The following C16orf46 variants were observed in gnomAD, a reference collection of about 807,000 sequenced individuals.
The protein encoded by C16orf46 is chromosome 16 open reading frame 46, also known as uncharacterized protein C16orf46.
Under a neutral mutation model 5.5 loss-of-function variants are expected in C16orf46, and 7 were observed. The observed-to-expected ratio is 1.28, with a 90% CI of 0.73 to 2.40. The LOEUF (loss-of-function observed/expected upper bound fraction) is 2.40, where lower values mean the gene tolerates loss of function less well. Among genes scored for constraint, C16orf46 ranks in the 30% most tolerant of loss-of-function variants. The pLI is 0.00. For synonymous variants in C16orf46, 200 were observed against 184.1 expected (o/e 1.09, Z -0.70); for missense variants, 614 against 476.0 (o/e 1.29, Z -2.70).
chr16:81,076,533 C>T (rs1972046666), intron 1 of C16orf46: 3 of 152,274 alleles, frequency 2.0e-5, no homozygotes, highest in Admixed American at 2.0e-4. Flanking sequence ...AACTCTTCCC[C>T]TTTTTCAACT....
chr16:81,068,393 C>G (rs954105595), intron 1 of C16orf46, among the ~76,000 whole-genome samples: 21 of 152,088 alleles, frequency 1.4e-4, no homozygotes, highest in African/African-American at 5.1e-4. Flanking sequence ...ATGAACGTAT[C>G]TCCTATTTAC....
At chr16:81,069,054 T>A (rs1971753832) in intron 1 of C16orf46, among the ~76,000 whole-genome samples, 2 of 152,164 alleles carry the variant, frequency 1.3e-5, no homozygotes, top group Admixed American at 6.6e-5. Flanking sequence ...TTTATTTTAA[T>A]GAAAATGAGG....
chr16:81,059,152 C>T (rs1971388857), downstream of C16orf46, among the ~76,000 whole-genome samples: 1 of 151,646 alleles, frequency 6.6e-6, no homozygotes, highest in Admixed American at 6.6e-5. Flanking sequence ...GAAACCCAGT[C>T]TCTACTAATA....
In C16orf46 at chr16:81,074,662, C is replaced by G. The variant is rs1000365602; in HGVS notation, c.-128+2474G>C. 1.4e-4 allele frequency among the ~76,000 whole-genome samples: 22 copies of G among 152,234 alleles called. 1 individual carries two copies. The East Asian group carries it at 4.2e-3, about 29-fold the overall frequency. ...CCTCCCAAAGTGTTGGGATTACAGG[C>G]ATGAGCCACCACACCCAACCCTATA... On this transcript the variant is annotated intron_variant, in intron 1 of 3. Coordinates refer to ENST00000299578, the MANE Select transcript of C16orf46 (RefSeq NM_152337.3).
At chr16:81,074,118 C>T (rs1369263286) in intron 1 of C16orf46, among the ~76,000 whole-genome samples, 2 of 152,192 alleles carry the variant, frequency 1.3e-5, no homozygotes, top group African/African-American at 2.4e-5. Context: ...AATTTTGTTC[C>T]TCAGTTCTTG....
chr16:81,061,169 T>C lies in C16orf46; in HGVS notation c.1180A>G (p.Ile394Val), dbSNP rs2151748365. The C allele has an allele frequency of 6.2e-7, 1 of 1,606,076 alleles. No homozygotes were observed. ...GGTTCTACCGCAACCGCTCAGAGGA[T>C]CCTGTGGGTAGAGACAGGAATGATA... ...RVIIPVSTHR[I>V]L The change falls in exon 4 of 4, where the codon ATC becomes GTC. Residue 394 changes from isoleucine to valine, a missense_variant. Transcript: ENST00000299578.
rs12924715 is a variant in C16orf46 at position 81,068,972 on chromosome 16, G to A, written c.-127-2691C>T. Among the ~76,000 whole-genome samples, 1,508 of 152,176 alleles carry A rather than the reference G, an allele frequency of 9.9e-3. 21 individuals are homozygous for A. The highest frequency in any genetic ancestry group is 0.057 in the East Asian group (297 of 5,172). On this transcript the variant is annotated intron_variant, in intron 1 of 3. Transcript: ENST00000299578. ...ACCCGCCTCGGCCTCCCAAAGTGCT[G>A]GGATTATAAACGTAAGCCACCGTGC...
downstream of C16orf46, among the ~76,000 whole-genome samples, chr16:81,057,275 A>G (rs1403068015): frequency 6.6e-6 from 1 of 152,128 alleles, no homozygotes; most frequent in African/African-American, 2.4e-5. Flanking sequence ...GGGGCAGGGC[A>G]TGGTGGCTCA....
At chr16:81,058,338 C>T (rs1028329796), downstream of C16orf46, among the ~76,000 whole-genome samples, 13 of 152,148 alleles carry the variant, frequency 8.5e-5, no homozygotes, top group African/African-American at 2.9e-4. Flanking sequence ...AGAAAATATA[C>T]AGATGCTTTT....
chr16:81,077,213 G>C lies in C16orf46; in HGVS notation c.-205C>G, dbSNP rs934246860. ...GCAAGAGCTACTCAGGTCGCTGCCGGATGGGCCGTTGCCTTGGGTTACGAC... is the reference window on the plus strand; with the variant it reads ...GCAAGAGCTACTCAGGTCGCTGCCGCATGGGCCGTTGCCTTGGGTTACGAC... On this transcript the variant is annotated 5_prime_UTR_variant, in exon 1 of 4. It adds an upstream start codon to the 5' untranslated region. Coordinates refer to ENST00000299578, the MANE Select transcript of C16orf46 (RefSeq NM_152337.3). 1.3e-5 allele frequency: 2 copies of C among 152,324 alleles called. No homozygotes were observed. The highest frequency in any genetic ancestry group is 4.8e-5 in the African/African-American group (2 of 41,474). 9.4% of individuals were successfully genotyped at this position (152,324 alleles called of 1,614,324 possible).
At chr16:81,067,415 T>C (rs1279019662) in intron 1 of C16orf46, among the ~76,000 whole-genome samples, 1 of 152,198 alleles carries the variant, frequency 6.6e-6, no homozygotes, top group Non-Finnish European at 1.5e-5. Flanking sequence ...AGCATGAAAC[T>C]TCCTGTAATA....
chr16:81,071,133 T>G (rs1597151108), intron 1 of C16orf46, among the ~76,000 whole-genome samples: 2 of 152,278 alleles, frequency 1.3e-5, no homozygotes, highest in East Asian at 3.9e-4. Context: ...TGTTCTGACC[T>G]CGTGAGACTC....
intron 1 of C16orf46, chr16:81,071,994 G>C (rs926062804): frequency 2.6e-4 from 39 of 152,182 alleles, no homozygotes; most frequent in Non-Finnish European, 2.9e-5. Flanking sequence ...TCCTGGGTGA[G>C]GCAGTGAATA....
intron 1 of C16orf46, among the ~76,000 whole-genome samples, chr16:81,075,227 G>C (rs921460456): frequency 6.6e-6 from 1 of 150,422 alleles, no homozygotes. Context: ...CCTACCAAGA[G>C]TTATAGAAGT....
chr16:81,060,723 C>G (rs1014390281), downstream of C16orf46: 5 of 170,548 alleles, frequency 2.9e-5, no homozygotes, highest in Non-Finnish European at 5.1e-5. Context: ...TAAACCAGCC[C>G]AGTATACTTA....
intron 3 of C16orf46, chr16:81,055,210 G>A (rs1971260187): frequency 6.6e-6 from 1 of 152,114 alleles, no homozygotes; most frequent in Non-Finnish European, 1.5e-5. Context: ...ATCTTCAGAG[G>A]ACATGCAGAT....
chr16:81,071,783 A>G (rs939267366), intron 1 of C16orf46, among the ~76,000 whole-genome samples: 2 of 152,264 alleles, frequency 1.3e-5, no homozygotes, highest in African/African-American at 4.8e-5. Context: ...CTCTAAGAGA[A>G]TAACTCATTA....
intron 1 of C16orf46, among the ~76,000 whole-genome samples, chr16:81,074,012 G>GT (rs1182585789): frequency 1.3e-5 from 2 of 152,194 alleles, no homozygotes; most frequent in African/African-American, 4.8e-5. Context: ...TACTTTCAAC[G>GT]ACTGAGTGCT....
At chr16:81,059,599 T>A (rs1440639345), downstream of C16orf46, among the ~76,000 whole-genome samples, 1 of 152,120 alleles carries the variant, frequency 6.6e-6, no homozygotes, top group Admixed American at 6.6e-5. Context: ...ACAAATGTCA[T>A]TTAATTTAGA....
Sources: allele counts gnomAD v4.1 joint callset (sites outside exome capture counted in the v4.1 genomes callset), GRCh38; gene constraint gnomAD v4.1.1; transcripts MANE v1.5; gene names NCBI Gene and HGNC (gene_info 2026-07-23, HGNC 2026-07-21).